TULP4: variants seen among roughly 807,000 people sequenced by gnomAD.
TULP4 encodes tubby-related protein 4.
TULP4 carries 16 observed loss-of-function variants against 129.0 expected under a neutral mutation model. The ratio of observed to expected loss-of-function variants is 0.12; its 90% CI spans 0.08 to 0.19. TULP4 has a LOEUF of 0.19. Among genes scored for constraint, TULP4 ranks in the 10% least tolerant of loss-of-function variants. The pLI is 1.00. For missense variants in TULP4, 1,842 were observed against 2,059.1 expected, an observed-to-expected ratio of 0.89 and a Z score of 2.04; for synonymous variants, 998 against 854.0, an observed-to-expected ratio of 1.17 and a Z score of -2.94.
Position 158,504,059 on chromosome 6 carries a change from G to A in TULP4, c.4396G>A (p.Val1466Met), listed in dbSNP as rs141683209. Reference sequence around the variant, plus strand: ...GCTGGGCAGCCAAGGCTTCGTGTACGTGATGGCCAACAAGCAGCCGCTGTG... The same window carrying A: ...GCTGGGCAGCCAAGGCTTCGTGTACATGATGGCCAACAAGCAGCCGCTGTG... ...GRLGSQGFVYVMANKQPLWNE... is the reference protein window; with the variant it reads ...GRLGSQGFVYMMANKQPLWNE... The change falls in exon 13 of 14, where the codon GTG becomes ATG. Residue 1466 changes from valine to methionine, a missense_variant. Physicochemically the swap from Val to Met is conservative, Grantham distance 21 (BLOSUM62 1). Around this residue, in one of 5 missense-constraint regions of TULP4, gnomAD observed 1,089 missense variants for 987.1 expected, o/e 1.10. Coordinates refer to ENST00000367097, the MANE Select transcript of TULP4 (RefSeq NM_020245.5). 5.9e-4 allele frequency: 948 copies of A among 1,608,912 alleles called. No homozygotes were observed. The highest frequency in any genetic ancestry group is 7.5e-4 in the Non-Finnish European group (885 of 1,177,906).
At chr6:158,361,467 A>G (rs1780786907) in intron 1 of TULP4, among the ~76,000 whole-genome samples, 1 of 152,236 alleles carries the variant, frequency 6.6e-6, no homozygotes, top group South Asian at 2.1e-4. Context: ...AGAGAATCTC[A>G]AAAGCCCGTT....
At chr6:158,260,232 T>C (rs1427569438) in intron 1 of TULP4, among the ~76,000 whole-genome samples, 2 of 152,322 alleles carry the variant, frequency 1.3e-5, no homozygotes, top group East Asian at 3.9e-4. Context: ...AAGACACTCC[T>C]GTCACCCAGA....
chr6:158,392,794 C>CTTTTTTTTTTGTTTTTTTTTTTT (rs1777615649), intron 1 of TULP4, among the ~76,000 whole-genome samples: 1 of 54,642 alleles, frequency 1.8e-5, no homozygotes, highest in Non-Finnish European at 3.0e-5. Flanking sequence ...ATTTGTATTT[C>CTTTTTTTTTTGTTTTTTTTTTTT]TTTTTTTTTT....
intron 4 of TULP4, among the ~76,000 whole-genome samples, chr6:158,451,217 G>C (rs1326412968): frequency 6.6e-6 from 1 of 152,208 alleles, no homozygotes; most frequent in African/African-American, 2.4e-5. Flanking sequence ...AGAAGCAGGG[G>C]GGGCAGTTTA....
intron 1 of TULP4, among the ~76,000 whole-genome samples, chr6:158,355,910 A>G (rs1284478716): frequency 6.6e-6 from 1 of 152,242 alleles, no homozygotes; most frequent in Non-Finnish European, 1.5e-5. Flanking sequence ...CACACATAGT[A>G]CATTATTTCA....
chr6:158,365,933 C>G (rs1215060662), intron 1 of TULP4, among the ~76,000 whole-genome samples: 1 of 98,226 alleles, frequency 1.0e-5, no homozygotes, highest in African/African-American at 4.0e-5. Flanking sequence ...GATGGAGTCT[C>G]GCTCTGTCGC....
chr6:158,320,606 ATT>A (rs1779603219), intron 1 of TULP4, among the ~76,000 whole-genome samples: 1 of 151,788 alleles, frequency 6.6e-6, no homozygotes. Flanking sequence ...TAATTTTTGT[ATT>A]TTTAGTAGAA....
At chr6:158,340,743 C>A (rs1359242560) in intron 1 of TULP4, among the ~76,000 whole-genome samples, 2 of 152,140 alleles carry the variant, frequency 1.3e-5, no homozygotes, top group African/African-American at 4.8e-5. Context: ...CTTCGCAGGC[C>A]CTCATCCTTA....
At chr6:158,261,369 CAT>C (rs1185038808) in intron 1 of TULP4, among the ~76,000 whole-genome samples, 1 of 152,210 alleles carries the variant, frequency 6.6e-6, no homozygotes, top group African/African-American at 2.4e-5. Context: ...GGTTAAGAAG[CAT>C]AAGCGCTACA....
intron 1 of TULP4, among the ~76,000 whole-genome samples, chr6:158,320,764 C>T (rs1258022435): frequency 6.6e-6 from 1 of 152,142 alleles, no homozygotes; most frequent in Non-Finnish European, 1.5e-5. Context: ...AATAAGCAGG[C>T]AGCTATGTGT....
upstream of TULP4, among the ~76,000 whole-genome samples, chr6:158,307,471 C>T (rs12198085): frequency 0.14 from 21,151 of 152,164 alleles, 1,602 homozygotes; most frequent in Middle Eastern, 0.19. Flanking sequence ...CATTTGTCTT[C>T]TTTGCACTTT....
Position 158,502,512 on chromosome 6 carries a change from G to C in TULP4, c.2849G>C (p.Arg950Pro), listed in dbSNP as rs751772422. The change falls in exon 13 of 14, where the codon CGC (arginine) becomes CCC (proline). Residue 950 changes from arginine to proline, a missense_variant. Around this residue, in one of 5 missense-constraint regions of TULP4, gnomAD observed 1,089 missense variants for 987.1 expected, o/e 1.10. Transcript: ENST00000367097. The stretch of plus-strand genomic sequence containing the variant: ...ACCCTGAACCGCCTGACCGTCCCTC[G>C]CTACTCCATCCCCACCGGGGACCCA... ...SATLNRLTVP[R>P]YSIPTGDPPP... The C allele has an allele frequency of 1.1e-5, 17 of 1,611,972 alleles. No individual in the cohort carries two copies. Among genetic ancestry groups the C allele is most frequent in the Middle Eastern group, 3.3e-4 (2 of 6,084 alleles).
At chr6:158,459,781 G>C (rs1779383946) in intron 5 of TULP4, among the ~76,000 whole-genome samples, 1 of 152,120 alleles carries the variant, frequency 6.6e-6, no homozygotes, top group Non-Finnish European at 1.5e-5. Flanking sequence ...CGTCATCTTT[G>C]TTACTACTAT....
At position 158,506,740 on chromosome 6, in the gene TULP4, A is replaced by C. The variant is rs1780612816; in HGVS notation, c.*46A>C. ...GAGAGATGCAGAGAGCCTTTGGAAG[A>C]GGTCTTCGGAGATGCCAGAGGAGCC... On this transcript the variant is annotated 3_prime_UTR_variant, in exon 14 of 14. Transcript: ENST00000367097. 1.5e-6 allele frequency: 2 copies of C among 1,343,324 alleles called. No homozygotes were observed. The highest frequency in any genetic ancestry group is 1.8e-4 in the Middle Eastern group (1 of 5,556). The allele number at this position is 1,343,324 out of a possible 1,614,324, so 83.2% of individuals were successfully genotyped here. A position where few individuals can be genotyped will look rare whatever the true frequency, so the allele number is the denominator to read the frequency against.
Position 158,314,065 on chromosome 6 carries a change from A to G in TULP4, c.49A>G (p.Ile17Val), listed in dbSNP as rs1193149827. Reference sequence around the variant, plus strand: ...GCCTGTGCTTTGCAGCGATTCCAACATCCTGTGCCTGTCCTGGAAGGGGCG... The same window carrying G: ...GCCTGTGCTTTGCAGCGATTCCAACGTCCTGTGCCTGTCCTGGAAGGGGCG... ...HGPVLCSDSN[I>V]LCLSWKGRVP... is the part of the protein sequence containing the mutation. The change falls in exon 1 of 14, where the codon ATC becomes GTC. Residue 17 changes from isoleucine to valine, a missense_variant. Coordinates refer to ENST00000367097, the MANE Select transcript of TULP4 (RefSeq NM_020245.5). 2 of 1,614,220 alleles carry G rather than the reference A, an allele frequency of 1.2e-6. No homozygotes were observed. The highest frequency in any genetic ancestry group is 1.7e-6 in the Non-Finnish European group (2 of 1,180,040).
chr6:158,489,636 A>G lies in TULP4; in HGVS notation c.1535A>G (p.Asn512Ser), dbSNP rs762737646. 1.2e-6 allele frequency: 2 copies of G among 1,614,240 alleles called. No individual in the cohort carries two copies. Among genetic ancestry groups the G allele is most frequent in the South Asian group, 1.1e-5 (1 of 91,086 alleles). The change falls in exon 9 of 14, where the codon AAC (asparagine) becomes AGC (serine). Residue 512 changes from asparagine (N) to serine (S), a missense_variant. Asn to Ser is a conservative substitution (Grantham distance 46). Around this residue, in one of 5 missense-constraint regions of TULP4, gnomAD observed 456 missense variants for 534.3 expected, o/e 0.85. Transcript: ENST00000367097. ...ATTTCTACTGTGATCGACAGCTGCAACTGCTCAGACTCCAGTGACATTGAG... is the reference window on the plus strand; with the variant it reads ...ATTTCTACTGTGATCGACAGCTGCAGCTGCTCAGACTCCAGTGACATTGAG... The part of the protein sequence containing the change: ...SLISTVIDSC[N>S]CSDSSDIELS...
At chr6:158,439,382 A>G (rs1778829615) in intron 3 of TULP4, among the ~76,000 whole-genome samples, 1 of 151,946 alleles carries the variant, frequency 6.6e-6, no homozygotes, top group Non-Finnish European at 1.5e-5. Context: ...AGCCTCAACA[A>G]CTGCCCTCCC....
chr6:158,362,839 G>GCTGAGACAGGTGGA (rs11269628), intron 1 of TULP4, among the ~76,000 whole-genome samples: 3 of 151,778 alleles, frequency 2.0e-5, no homozygotes, highest in African/African-American at 7.2e-5. Context: ...ACTTTGGGAG[G>GCTGAGACAGGTGGA]TCAGGAGGTC....
At chr6:158,275,801 G>A (rs1778635914) in intron 1 of TULP4, among the ~76,000 whole-genome samples, 1 of 152,186 alleles carries the variant, frequency 6.6e-6, no homozygotes, top group South Asian at 2.1e-4. Flanking sequence ...TTCTGCTGTG[G>A]AGGACAGTAA....
Sources: gnomAD v4.1 joint callset for allele counts (sites outside exome capture counted in the v4.1 genomes callset) on GRCh38, gnomAD v4.1.1 for gene constraint, gnomAD v4.1.1 regional missense constraint, MANE v1.5 for transcripts, NCBI Gene and HGNC (gene_info 2026-07-23, HGNC 2026-07-21) for gene names.